ROR1: variants seen among roughly 807,000 people sequenced by gnomAD.
ROR1 encodes the protein inactive tyrosine-protein kinase transmembrane receptor ROR1.
In ROR1, 19 loss-of-function variants were observed where a neutral mutation model predicts 78.8. The ratio of observed to expected loss-of-function variants is 0.24; its 90% CI spans 0.17 to 0.35. The LOEUF (loss-of-function observed/expected upper bound fraction) is 0.35, where lower values mean the gene tolerates loss of function less well. Among genes scored for constraint, ROR1 ranks in the 10% least tolerant of loss-of-function variants. The pLI, the probability that ROR1 is intolerant of heterozygous loss-of-function variation, is 1.00. For missense variants in ROR1, 917 were observed against 1,177.8 expected (o/e 0.78, Z 3.24); for synonymous variants, 386 against 433.6 (o/e 0.89, Z 1.36).
intron 1 of ROR1, among the ~76,000 whole-genome samples, chr1:63,994,881 A>G (rs1402531928): frequency 6.6e-6 from 1 of 151,416 alleles, no homozygotes; most frequent in East Asian, 1.9e-4. Context: ...TCAAGTGCAC[A>G]GTAGCTTTGG....
intron 1 of ROR1, among the ~76,000 whole-genome samples, chr1:63,841,452 T>A (rs1305965105): frequency 6.6e-6 from 1 of 152,246 alleles, no homozygotes; most frequent in Non-Finnish European, 1.5e-5. Flanking sequence ...TAGAACTTTT[T>A]TCTCCAATAA....
At chr1:64,067,874 G>A (rs561303955) in intron 4 of ROR1, among the ~76,000 whole-genome samples, 4 of 151,998 alleles carry the variant, frequency 2.6e-5, no homozygotes, top group Non-Finnish European at 5.9e-5. Flanking sequence ...CACCGCGCCC[G>A]GGTAATTTTT....
At chr1:63,985,679 G>A (rs1337390237) in intron 1 of ROR1, among the ~76,000 whole-genome samples, 1 of 151,738 alleles carries the variant, frequency 6.6e-6, no homozygotes, top group East Asian at 1.9e-4. Flanking sequence ...CCAGGAGTTT[G>A]AGACCACTCT....
intron 1 of ROR1, among the ~76,000 whole-genome samples, chr1:63,863,927 C>T (rs551694027): frequency 3.7e-4 from 57 of 152,172 alleles, no homozygotes; most frequent in African/African-American, 1.1e-3. Flanking sequence ...CTACTATTCT[C>T]GGCCTTTCTG....
At chr1:64,168,122 T>A (rs537364361) in intron 8 of ROR1, among the ~76,000 whole-genome samples, 1 of 152,334 alleles carries the variant, frequency 6.6e-6, no homozygotes, top group South Asian at 2.1e-4. Flanking sequence ...AAGGATTAAA[T>A]GGGTTGATGC....
chr1:63,872,954 G>A (rs1645490553), intron 1 of ROR1, among the ~76,000 whole-genome samples: 2 of 152,146 alleles, frequency 1.3e-5, no homozygotes, highest in African/African-American at 4.8e-5. Flanking sequence ...GACAGTGAGA[G>A]GGTGGGAGAT....
At chr1:63,871,436 G>C (rs545234825) in intron 1 of ROR1, among the ~76,000 whole-genome samples, 1 of 152,242 alleles carries the variant, frequency 6.6e-6, no homozygotes, top group East Asian at 1.9e-4. Flanking sequence ...GAACTTGATT[G>C]GTTGCTATGA....
intron 1 of ROR1, among the ~76,000 whole-genome samples, chr1:63,789,667 T>TC: frequency 6.8e-6 from 1 of 148,064 alleles, no homozygotes; most frequent in South Asian, 2.1e-4. Context: ...CACCCATCCT[T>TC]CCTCTCCTTT....
At chr1:63,815,826 GACCT>G (rs762546888) in intron 1 of ROR1, among the ~76,000 whole-genome samples, 78 of 152,088 alleles carry the variant, frequency 5.1e-4, no homozygotes, top group Admixed American at 2.1e-3. Flanking sequence ...TCCTGCCCAG[GACCT>G]ACTGACACAG....
intron 3 of ROR1, 140 bp from the exon 4 acceptor site, chr1:64,050,546 G>A: frequency 1.2e-6 from 1 of 824,254 alleles, no homozygotes; most frequent in Non-Finnish European, 2.0e-6. Flanking sequence ...GGGGAATAGA[G>A]CAAAACAATA....
intron 1 of ROR1, among the ~76,000 whole-genome samples, chr1:63,966,565 T>C (rs2100491928): frequency 6.6e-6 from 1 of 152,344 alleles, no homozygotes; most frequent in South Asian, 2.1e-4. Context: ...AAAGGCTGAA[T>C]GGGTCTCTTA....
intron 4 of ROR1, among the ~76,000 whole-genome samples, chr1:64,114,510 G>A (rs938809584): frequency 2.0e-5 from 3 of 152,070 alleles, no homozygotes; most frequent in African/African-American, 7.2e-5. Flanking sequence ...AAAGAACCCC[G>A]GCTCCACAGC....
chr1:64,104,596 C>G (rs1210709024), intron 4 of ROR1, among the ~76,000 whole-genome samples: 2 of 151,716 alleles, frequency 1.3e-5, no homozygotes, highest in Admixed American at 6.6e-5. Flanking sequence ...GACCCGTCCT[C>G]TAAGTTCCCT....
chr1:63,996,188 A>C (rs1646335648), intron 1 of ROR1, among the ~76,000 whole-genome samples: 3 of 152,170 alleles, frequency 2.0e-5, no homozygotes, highest in African/African-American at 7.2e-5. Context: ...CTTATTAAAA[A>C]GATGTACCCC....
At chr1:64,098,313 G>T (rs981927687) in intron 4 of ROR1, among the ~76,000 whole-genome samples, 34 of 152,114 alleles carry the variant, frequency 2.2e-4, no homozygotes, top group African/African-American at 7.2e-4. Context: ...CCTCTGAAAT[G>T]GGGAAGAAGG....
chr1:63,892,340 A>G (rs1645404272), intron 1 of ROR1, among the ~76,000 whole-genome samples: 1 of 152,196 alleles, frequency 6.6e-6, no homozygotes, highest in African/African-American at 2.4e-5. Flanking sequence ...GGATCTGAAA[A>G]GATGAGTTAA....
rs141089119 is a variant in ROR1, at chr1:63,859,154, GGT to G, written c.91+84647_91+84648del. Among the ~76,000 whole-genome samples, 1,443 of 152,142 alleles carry G rather than the reference GGT, an allele frequency of 9.5e-3. 14 individuals carry two copies. Among genetic ancestry groups the G allele is most frequent in the African/African-American group, 0.033 (1,387 of 41,490 alleles). On this transcript the variant is annotated intron_variant, in intron 1 of 8. Transcript: ENST00000371079. ...CCCTGGGTTGGGCGCCCCTCTGCAG[GGT>G]ACAACCAACACAGTTGTATGAAGAC...
chr1:63,940,734 T>C (rs1645832165), intron 1 of ROR1, among the ~76,000 whole-genome samples: 1 of 152,174 alleles, frequency 6.6e-6, no homozygotes, highest in Non-Finnish European at 1.5e-5. Flanking sequence ...GATATTTGTA[T>C]GGGTTTAAAG....
chr1:64,079,084 A>G (rs1012681084), intron 4 of ROR1, among the ~76,000 whole-genome samples: 3 of 152,242 alleles, frequency 2.0e-5, no homozygotes, highest in African/African-American at 4.8e-5. Context: ...TTTCAGGTTC[A>G]GACATCTGAA....
Sources: allele counts gnomAD v4.1 joint callset (sites outside exome capture counted in the v4.1 genomes callset), GRCh38; gene constraint gnomAD v4.1.1; transcripts MANE v1.5; gene names NCBI Gene and HGNC (gene_info 2026-07-23, HGNC 2026-07-21).